CALD1: variants seen among roughly 807,000 people sequenced by gnomAD.
The protein encoded by CALD1 is caldesmon.
In CALD1, 33 loss-of-function variants were observed where a neutral mutation model predicts 99.9. The ratio of observed to expected loss-of-function variants is 0.33; its 90% CI spans 0.25 to 0.44. The LOEUF (loss-of-function observed/expected upper bound fraction) is 0.44, where lower values mean the gene tolerates loss of function less well. CALD1 is among the 20% of genes least tolerant of loss of function. The pLI, the probability that CALD1 is intolerant of heterozygous loss-of-function variation, is 1.00. For missense variants in CALD1, 861 were observed against 962.1 expected, an observed-to-expected ratio of 0.89 and a Z score of 1.39; for synonymous variants, 310 against 325.0, an observed-to-expected ratio of 0.95 and a Z score of 0.50.
intron 3 of CALD1, among the ~76,000 whole-genome samples, chr7:134,910,923 C>T (rs1320598747): frequency 1.3e-5 from 2 of 152,186 alleles, no homozygotes; most frequent in Non-Finnish European, 2.9e-5. Flanking sequence ...TGCATTAAAA[C>T]ATTTGCATTC....
chr7:134,823,806 T>G (rs1048639190), intron 1 of CALD1, among the ~76,000 whole-genome samples: 5 of 152,240 alleles, frequency 3.3e-5, no homozygotes, highest in African/African-American at 1.2e-4. Context: ...TGTTCATGTA[T>G]TTCTGCAGAT....
intron 1 of CALD1, among the ~76,000 whole-genome samples, chr7:134,816,395 A>C (rs1798565988): frequency 6.6e-6 from 1 of 152,154 alleles, no homozygotes; most frequent in African/African-American, 2.4e-5. Flanking sequence ...TGGATTTTCC[A>C]CTTATTAATT....
chr7:134,788,370 C>T (rs1797387161), intron 1 of CALD1, among the ~76,000 whole-genome samples: 1 of 152,154 alleles, frequency 6.6e-6, no homozygotes, highest in Non-Finnish European at 1.5e-5. Context: ...GAAGTAATTA[C>T]ACCACAGAAA....
In CALD1 at chr7:134,821,641, GGC is replaced by G. The variant is rs1277504398; in HGVS notation, c.-129-22242_-129-22241del. Among the ~76,000 whole-genome samples the G allele has an allele frequency of 5.5e-3, 468 of 85,030 alleles. 15 individuals are homozygous for G. The highest frequency in any genetic ancestry group is 8.0e-3 in the Non-Finnish European group (320 of 40,080). The allele number at this position is 85,030 out of a possible 152,430, so 55.8% of individuals were successfully genotyped here. ...TCCGTCACCCAGGCTGGAGTGCAAT[GGC>G]ACAATCTTGGCTCACTGCAACCTCT... On this transcript the variant is annotated intron_variant, in intron 1 of 14. Transcript: ENST00000361675.
intron 3 of CALD1, among the ~76,000 whole-genome samples, chr7:134,910,475 T>C (rs557754371): frequency 5.3e-5 from 8 of 152,172 alleles, no homozygotes; most frequent in Admixed American, 2.0e-4. Flanking sequence ...ACACTAGGCT[T>C]GATAGTGAAA....
At chr7:134,728,286 C>T in the CALD1 span, among the ~76,000 whole-genome samples, 4 of 152,086 alleles carry the variant, frequency 2.6e-5, no homozygotes, top group African/African-American at 4.8e-5. Context: ...ATCGGTCAGC[C>T]CCCTGAGCCA....
At chr7:134,881,535 AGG>A (rs61459586) in intron 3 of CALD1, among the ~76,000 whole-genome samples, 108,619 of 151,896 alleles carry the variant, frequency 0.72, 39,227 homozygotes, top group East Asian at 0.93. Flanking sequence ...GAAAGTATAA[AGG>A]GTAATGCGCA....
chr7:134,751,428 A>C (rs1370003887), intron 1 of CALD1, among the ~76,000 whole-genome samples: 1 of 152,116 alleles, frequency 6.6e-6, no homozygotes, highest in African/African-American at 2.4e-5. Flanking sequence ...CTTCCATAGG[A>C]ACCATGTTCA....
chr7:134,844,915 C>T (rs184132388), intron 2 of CALD1, among the ~76,000 whole-genome samples: 13 of 152,306 alleles, frequency 8.5e-5, no homozygotes, highest in Non-Finnish European at 1.3e-4. Context: ...AACTTAATCA[C>T]TCTTTGAAGA....
intron 1 of CALD1, among the ~76,000 whole-genome samples, chr7:134,803,249 G>T (rs1285804003): frequency 6.6e-6 from 1 of 151,754 alleles, no homozygotes; most frequent in Non-Finnish European, 1.5e-5. Context: ...TTATTATTTT[G>T]TAGGAGCTCA....
intron 1 of CALD1, among the ~76,000 whole-genome samples, chr7:134,800,539 C>T (rs1554430416): frequency 6.6e-6 from 1 of 151,988 alleles, no homozygotes; most frequent in Non-Finnish European, 1.5e-5. Flanking sequence ...AATATTGCTA[C>T]ATGTTTCTTT....
At chr7:134,748,202 C>T (rs1037004537) in intron 1 of CALD1, among the ~76,000 whole-genome samples, 2 of 152,272 alleles carry the variant, frequency 1.3e-5, no homozygotes, top group African/African-American at 4.8e-5. Flanking sequence ...ATGGGAATAT[C>T]TAGCCTATGC....
At chr7:134,828,538 C>T (rs749418878) in intron 1 of CALD1, among the ~76,000 whole-genome samples, 1 of 152,128 alleles carries the variant, frequency 6.6e-6, no homozygotes, top group Non-Finnish European at 1.5e-5. Context: ...ATGTTGTTCT[C>T]GTTGCTTAAT....
At chr7:134,818,691 G>C (rs1029538062) in intron 1 of CALD1, among the ~76,000 whole-genome samples, 1 of 152,016 alleles carries the variant, frequency 6.6e-6, no homozygotes. Flanking sequence ...GAATTTGATG[G>C]GTCATATTTC....
upstream of CALD1, among the ~76,000 whole-genome samples, chr7:134,774,839 G>A (rs1016016292): frequency 1.3e-5 from 2 of 152,032 alleles, no homozygotes; most frequent in African/African-American, 2.4e-5. Context: ...TTCCTTTCAG[G>A]TACTCTTTGC....
chr7:134,853,632 T>A (rs1418224137), intron 2 of CALD1, among the ~76,000 whole-genome samples: 1 of 152,238 alleles, frequency 6.6e-6, no homozygotes, highest in Non-Finnish European at 1.5e-5. Flanking sequence ...GCAGAATAGC[T>A]GCATTCACAT....
chr7:134,738,271 T>C, the CALD1 span, among the ~76,000 whole-genome samples: 1 of 152,200 alleles, frequency 6.6e-6, no homozygotes, highest in Non-Finnish European at 1.5e-5. Flanking sequence ...ATTCTTTCTC[T>C]TTCTGTGATT....
At chr7:134,957,477 T>G (rs916280811) in intron 9 of CALD1, among the ~76,000 whole-genome samples, 2 of 152,190 alleles carry the variant, frequency 1.3e-5, no homozygotes, top group African/African-American at 4.8e-5. Flanking sequence ...TGGAGTGCAG[T>G]GGCACAATCT....
At chr7:134,794,565 C>A (rs955143965) in intron 1 of CALD1, among the ~76,000 whole-genome samples, 2 of 152,210 alleles carry the variant, frequency 1.3e-5, no homozygotes, top group African/African-American at 4.8e-5. Context: ...CAGCTCACTA[C>A]AACCTCCACT....
Sources: gnomAD v4.1 joint callset for allele counts (sites outside exome capture counted in the v4.1 genomes callset) on GRCh38, gnomAD v4.1.1 for gene constraint, MANE v1.5 for transcripts, NCBI Gene and HGNC (gene_info 2026-07-23, HGNC 2026-07-21) for gene names.